APP: variants seen among roughly 807,000 people sequenced by gnomAD.
APP encodes amyloid beta precursor protein, also known as amyloid-beta precursor protein.
A neutral mutation model predicts 101.4 loss-of-function variants in APP; 31 were observed. The observed-to-expected ratio is 0.31, with a 90% confidence interval of 0.23 to 0.41. The LOEUF is 0.41. Ranked by LOEUF, APP falls within the 10% of genes least tolerant of loss-of-function variation. The probability of loss-of-function intolerance (pLI) is 1.00; values close to 1 mark genes in which losing one functional copy is unlikely to be tolerated. For synonymous variants in APP, 366 were observed against 364.4 expected (o/e 1.00, Z -0.05); for missense variants, 839 against 1,003.7 (o/e 0.84, Z 2.22).
At chr21:26,121,898 CA>C (rs201246104) in intron 1 of APP, among the ~76,000 whole-genome samples, 1 of 151,322 alleles carries the variant, frequency 6.6e-6, no homozygotes, top group South Asian at 2.1e-4. Context: ...AGAGCATGGG[CA>C]AAAAAAAGAA....
chr21:26,058,155 T>G (rs893969418), intron 3 of APP, among the ~76,000 whole-genome samples: 1 of 152,226 alleles, frequency 6.6e-6, no homozygotes, highest in Non-Finnish European at 1.5e-5. Flanking sequence ...TCGTGTTTTA[T>G]GGTCACAGAA....
At chr21:26,050,068 A>AC (rs1423406823) in intron 5 of APP, among the ~76,000 whole-genome samples, 1 of 152,096 alleles carries the variant, frequency 6.6e-6, no homozygotes, top group Non-Finnish European at 1.5e-5. Flanking sequence ...TCAGTTTATG[A>AC]CTGTGGTCCC....
At chr21:26,122,762 G>T (rs45614139) in intron 1 of APP, among the ~76,000 whole-genome samples, 8,897 of 151,360 alleles carry the variant, frequency 0.059, 908 homozygotes, top group African/African-American at 0.2. Context: ...TTTATTAAAA[G>T]ATTTTAATAA....
intron 5 of APP, among the ~76,000 whole-genome samples, chr21:26,026,363 G>T (rs955968079): frequency 1.1e-4 from 17 of 152,120 alleles, no homozygotes; most frequent in African/African-American, 4.1e-4. Flanking sequence ...AAGGTCAAAG[G>T]GACATTCCTA....
chr21:25,985,084 A>G (rs2042587268), intron 8 of APP, among the ~76,000 whole-genome samples: 1 of 152,226 alleles, frequency 6.6e-6, no homozygotes, highest in South Asian at 2.1e-4. Flanking sequence ...CTAAGTAGAA[A>G]TGCACTTAGC....
At chr21:26,000,283 C>T in intron 6 of APP, 101 bp from the exon 7 acceptor site, 1 of 1,463,458 alleles carries the variant, frequency 6.8e-7, no homozygotes, top group Admixed American at 1.8e-5. Flanking sequence ...CAGTGGCAAC[C>T]TGGACTGGTT....
chr21:25,926,986 G>C (rs1162119824), intron 13 of APP, among the ~76,000 whole-genome samples: 16 of 103,756 alleles, frequency 1.5e-4, no homozygotes, highest in African/African-American at 5.8e-4. Flanking sequence ...CTGGGCAACA[G>C]AGTGAGACTC....
intron 13 of APP, among the ~76,000 whole-genome samples, chr21:25,926,116 G>C (rs1199152372): frequency 6.6e-6 from 1 of 152,188 alleles, no homozygotes; most frequent in Non-Finnish European, 1.5e-5. Context: ...GAACCAGAAA[G>C]CCACAGGAAA....
intron 5 of APP, among the ~76,000 whole-genome samples, chr21:26,048,759 T>C (rs1180157953): frequency 2.6e-5 from 4 of 152,034 alleles, no homozygotes; most frequent in African/African-American, 4.8e-5. Flanking sequence ...AAGGCACCTG[T>C]AAAGACTTGT....
chr21:26,049,197 A>C (rs1442665509), intron 5 of APP, among the ~76,000 whole-genome samples: 3 of 152,110 alleles, frequency 2.0e-5, no homozygotes, highest in Non-Finnish European at 4.4e-5. Flanking sequence ...GGAGAGGGAG[A>C]CTGAAAATGC....
intron 11 of APP, among the ~76,000 whole-genome samples, chr21:25,969,347 C>CA (rs60834302): frequency 0.034 from 1,869 of 55,546 alleles, 137 homozygotes; most frequent in Middle Eastern, 0.061. Context: ...GACTCTGTCT[C>CA]AAAAAAAAAA....
At chr21:26,010,820 CAAAAAAAAAA>C (rs58036272) in intron 6 of APP, among the ~76,000 whole-genome samples, 2 of 54,842 alleles carry the variant, frequency 3.6e-5, no homozygotes, top group Non-Finnish European at 6.3e-5. Context: ...GACTTCGTCT[CAAAAAAAAAA>C]AAAAAAAAAA....
At chr21:25,917,035 G>A (rs1227119343) in intron 13 of APP, among the ~76,000 whole-genome samples, 1 of 152,132 alleles carries the variant, frequency 6.6e-6, no homozygotes, top group Non-Finnish European at 1.5e-5. Context: ...GGCCGAGGTG[G>A]GTGGATCACG....
intron 1 of APP, among the ~76,000 whole-genome samples, chr21:26,122,974 A>T (rs1218000358): frequency 6.6e-6 from 1 of 152,160 alleles, no homozygotes; most frequent in Non-Finnish European, 1.5e-5. Context: ...AAAGATAGTA[A>T]GAGGCCACCT....
chr21:26,067,790 C>A (rs2046515237), intron 3 of APP, among the ~76,000 whole-genome samples: 2 of 152,048 alleles, frequency 1.3e-5, no homozygotes, highest in African/African-American at 4.8e-5. Flanking sequence ...TCCTCTGTAT[C>A]CCGAGAGATG....
Position 26,150,501 on chromosome 21 carries a change from T to C in APP, c.57+20063A>G, listed in dbSNP as rs184237596. ...GGGTAGCATATTCTGATCCCCTTCA[T>C]ACCCTTCCAGACTGTGTCTCTATCC... On this transcript the variant is annotated intron_variant, in intron 1 of 17. Coordinates refer to ENST00000346798, the MANE Select transcript of APP (RefSeq NM_000484.4). Among the ~76,000 whole-genome samples, 124 of 152,320 alleles carry C rather than the reference T, an allele frequency of 8.1e-4. 1 individual carries two copies. In the East Asian group the frequency reaches 0.023, roughly 28 times the overall value.
At position 25,986,159 on chromosome 21, in the gene APP, T is replaced by TG. The variant is rs560030207; in HGVS notation, c.1091-3683_1091-3682insC. ...TGCCCTATGTCCTCACCCATCAAGG[T>TG]ACTTCCTTTTGGGAAGGGAGTGGGG... is the stretch of plus-strand genomic sequence containing the variant. On this transcript the variant is annotated intron_variant, in intron 8 of 17. Transcript: ENST00000346798. 2.4e-4 allele frequency among the ~76,000 whole-genome samples: 37 copies of TG among 152,240 alleles called. No individual in the cohort carries two copies. In the East Asian group the frequency reaches 6.0e-3, roughly 25 times the overall value.
chr21:25,901,748 C>T (rs1030367482), intron 15 of APP, among the ~76,000 whole-genome samples: 1 of 152,128 alleles, frequency 6.6e-6, no homozygotes, highest in Admixed American at 6.6e-5. Flanking sequence ...CTCTCTCTTC[C>T]TGTAAGTCAT....
intron 1 of APP, among the ~76,000 whole-genome samples, chr21:26,138,644 G>A (rs748653773): frequency 7.9e-5 from 12 of 152,106 alleles, no homozygotes; most frequent in Non-Finnish European, 1.2e-4. Context: ...AGTAAGCCAT[G>A]ATGACTCCAT....
Sources: allele counts gnomAD v4.1 joint callset (sites outside exome capture counted in the v4.1 genomes callset), GRCh38; gene constraint gnomAD v4.1.1; transcripts MANE v1.5; gene names NCBI Gene and HGNC (gene_info 2026-07-23, HGNC 2026-07-21).